Variants in MIA2 observed in about 807,000 individuals in gnomAD.
MIA2 encodes the protein MIA SH3 domain ER export factor 2.
MIA2 carries 127 observed loss-of-function variants against 167.8 expected under a neutral mutation model. That is an observed-to-expected ratio of 0.76 (90% CI 0.66 to 0.88). MIA2 has a LOEUF of 0.88. MIA2 is among the 40% of genes least tolerant of loss of function. MIA2 has a pLI of 0.00. For synonymous variants in MIA2, 552 were observed against 541.9 expected (o/e 1.02, Z -0.26); for missense variants, 1,690 against 1,624.7 (o/e 1.04, Z -0.69).
intron 13 of MIA2, among the ~76,000 whole-genome samples, chr14:39,298,601 A>C (rs1253926977): frequency 7.7e-6 from 1 of 129,770 alleles, no homozygotes; most frequent in Admixed American, 9.0e-5. Flanking sequence ...AGGCGGGCTG[A>C]GTCCGAAAAG....
In MIA2 at chr14:39,288,459, A is replaced by G. The variant is rs1384136023; in HGVS notation, c.2131-2560A>G. On this transcript the variant is annotated intron_variant, in intron 9 of 28. Coordinates refer to ENST00000640607, the MANE Select transcript of MIA2 (RefSeq NM_001329214.4). ...TATATATATATATATATATATATAT[A>G]TATATATATATATATATTTTTTTTT... 2.0e-3 allele frequency among the ~76,000 whole-genome samples: 35 copies of G among 17,276 alleles called. 1 individual carries two copies. Among genetic ancestry groups the G allele is most frequent in the African/African-American group, 3.5e-3 (25 of 7,134 alleles). The allele number at this position is 17,276 out of a possible 152,430, so 11.3% of individuals were successfully genotyped here.
At chr14:39,318,051 G>T (rs774883271) in intron 22 of MIA2, 40 bp downstream of exon 22, 4 of 1,405,116 alleles carry the variant, frequency 2.8e-6, no homozygotes, top group Admixed American at 4.3e-5. Flanking sequence ...TAGTTATTCT[G>T]TTATTTCGTT....
intron 23 of MIA2, among the ~76,000 whole-genome samples, chr14:39,373,863 G>C (rs2074997433): frequency 6.6e-6 from 1 of 151,632 alleles, no homozygotes; most frequent in South Asian, 2.1e-4. Flanking sequence ...ACAGTCATAA[G>C]AAAAAAAACA....
chr14:39,245,525 C>G (rs2054259944), intron 3 of MIA2, among the ~76,000 whole-genome samples: 1 of 152,186 alleles, frequency 6.6e-6, no homozygotes, highest in Non-Finnish European at 1.5e-5. Flanking sequence ...TCTGGTCTGT[C>G]TGAGCTATAA....
chr14:39,357,282 A>C (rs1291068918), intron 23 of MIA2, among the ~76,000 whole-genome samples: 1 of 152,162 alleles, frequency 6.6e-6, no homozygotes, highest in Non-Finnish European at 1.5e-5. Context: ...CTTCTTGTTG[A>C]ATTGATCCCT....
Position 39,320,978 on chromosome 14 carries a change from A to G in MIA2, c.3418A>G (p.Arg1140Gly), listed in dbSNP as rs750643732. 6.2e-7 allele frequency: 1 copy of G among 1,613,794 alleles called. No homozygotes were observed. Among genetic ancestry groups the G allele is most frequent in the Non-Finnish European group, 8.5e-7 (1 of 1,179,736 alleles). ...ATTGGGTTGGCCTTCATCTGAAACA[A>G]GAGCTTTTCTCTCTCCTCCAACTTT... is the stretch of plus-strand genomic sequence containing the variant. ...SPLGWPSSET[R>G]AFLSPPTLLE... The change falls in exon 24 of 29, where the codon AGA becomes GGA. Residue 1140 changes from arginine (R) to glycine (G), a missense_variant. Physicochemically the swap from Arg to Gly is moderately radical, Grantham distance 125. Coordinates refer to ENST00000640607, the MANE Select transcript of MIA2 (RefSeq NM_001329214.4).
intron 23 of MIA2, among the ~76,000 whole-genome samples, chr14:39,360,494 C>CT (rs60547212): frequency 0.31 from 46,588 of 149,932 alleles, 7,673 homozygotes; most frequent in East Asian, 0.51. Context: ...TTGTTGTTGT[C>CT]TTTTGTTCTT....
At chr14:39,304,825 T>C (rs940918551) in intron 17 of MIA2, among the ~76,000 whole-genome samples, 1 of 152,188 alleles carries the variant, frequency 6.6e-6, no homozygotes, top group African/African-American at 2.4e-5. Context: ...GTTAGACCTG[T>C]AGAAATGAAG....
intron 23 of MIA2, among the ~76,000 whole-genome samples, chr14:39,379,140 TA>T (rs1157845060): frequency 6.6e-6 from 1 of 150,988 alleles, no homozygotes; most frequent in Non-Finnish European, 1.5e-5. Flanking sequence ...TAGTCTTTTA[TA>T]ATTTTTTTTT....
intron 12 of MIA2, among the ~76,000 whole-genome samples, 193 bp downstream of exon 12, chr14:39,294,264 C>T (rs2061116838): frequency 6.6e-6 from 1 of 151,772 alleles, no homozygotes; most frequent in Admixed American, 6.6e-5. Flanking sequence ...GCAGCACGAT[C>T]TTGGCTCACT....
In MIA2 at chr14:39,307,250, A is replaced by G. The variant is rs950175207; in HGVS notation, c.2879-1199A>G. 5.3e-5 allele frequency among the ~76,000 whole-genome samples: 8 copies of G among 152,112 alleles called. No homozygotes were observed. The East Asian group carries it at 7.7e-4, about 15-fold the overall frequency. ...GTTTTACGGGGAATGTTGAACTACAATATCTCCCTTTAAAACTCTTATCTC... is the reference window on the plus strand; with the variant it reads ...GTTTTACGGGGAATGTTGAACTACAGTATCTCCCTTTAAAACTCTTATCTC... On this transcript the variant is annotated intron_variant, in intron 17 of 28. Transcript: ENST00000640607.
chr14:39,255,137 A>T (rs2054761797), intron 6 of MIA2, among the ~76,000 whole-genome samples: 1 of 152,182 alleles, frequency 6.6e-6, no homozygotes, highest in African/African-American at 2.4e-5. Flanking sequence ...ACATTACATG[A>T]TAAATAAGCT....
intron 6 of MIA2, among the ~76,000 whole-genome samples, chr14:39,274,377 A>G (rs2057610189): frequency 1.3e-5 from 2 of 151,808 alleles, no homozygotes; most frequent in Admixed American, 1.3e-4. Context: ...TTTAGACCAG[A>G]GCAATGAATT....
intron 24 of MIA2, among the ~76,000 whole-genome samples, chr14:39,324,886 C>T (rs1407430621): frequency 1.3e-5 from 2 of 152,146 alleles, no homozygotes; most frequent in Non-Finnish European, 2.9e-5. Flanking sequence ...GGATTACAGG[C>T]ATGAGCCATC....
chr14:39,297,713 G>A (rs1246769347), intron 13 of MIA2, among the ~76,000 whole-genome samples: 1 of 147,020 alleles, frequency 6.8e-6, no homozygotes, highest in African/African-American at 2.5e-5. Context: ...GTGTGTGAAA[G>A]AGACAGAGAT....
intron 6 of MIA2, among the ~76,000 whole-genome samples, chr14:39,273,968 C>T (rs188970326): frequency 1.6e-4 from 24 of 152,284 alleles, no homozygotes; most frequent in Admixed American, 3.9e-4. Context: ...CAAGTATTCA[C>T]AGGGTCTGCA....
downstream of MIA2, among the ~76,000 whole-genome samples, chr14:39,352,838 C>CATAT (rs1216748394): frequency 6.6e-6 from 1 of 152,092 alleles, no homozygotes; most frequent in Non-Finnish European, 1.5e-5. Flanking sequence ...AGCTAGTTAA[C>CATAT]ATATATTTTA....
At chr14:39,356,815 T>C (rs1343992996) in intron 23 of MIA2, among the ~76,000 whole-genome samples, 2 of 152,244 alleles carry the variant, frequency 1.3e-5, no homozygotes, top group Non-Finnish European at 2.9e-5. Flanking sequence ...ATGTACCCAG[T>C]AGTCATTCAG....
chr14:39,243,122 CAAAA>C (rs112534680), intron 3 of MIA2, among the ~76,000 whole-genome samples: 5 of 127,440 alleles, frequency 3.9e-5, no homozygotes, highest in African/African-American at 2.8e-5. Flanking sequence ...AACTTTGTCT[CAAAA>C]AAAAAAAAAA....
Sources: allele counts gnomAD v4.1 joint callset (sites outside exome capture counted in the v4.1 genomes callset), GRCh38; gene constraint gnomAD v4.1.1; transcripts MANE v1.5; gene names NCBI Gene and HGNC (gene_info 2026-07-23, HGNC 2026-07-21).